EXOC2: variants seen among roughly 807,000 people sequenced by gnomAD.
EXOC2 encodes exocyst complex component 2.
A neutral mutation model predicts 131.8 loss-of-function variants in EXOC2; 70 were observed. That is an observed-to-expected ratio of 0.53 (90% CI 0.44 to 0.65). The LOEUF is 0.65. EXOC2 is among the 30% of genes least tolerant of loss of function. The pLI is 0.00. For synonymous variants in EXOC2, 411 were observed against 398.4 expected, an observed-to-expected ratio of 1.03 and a Z score of -0.38; for missense variants, 923 against 1,108.6, an observed-to-expected ratio of 0.83 and a Z score of 2.38.
Position 629,980 on chromosome 6 carries a change from T to C in EXOC2, c.296-19A>G. On this transcript the variant is annotated intron_variant, in intron 3 of 27. Transcript: ENST00000230449. ...AAAATGCCTACAGAAATGAGGAGCA[T>C]ATGCTTAATAAGATGAAGCCTACCC... The C allele has an allele frequency of 3.1e-6, 5 of 1,612,620 alleles. No homozygotes were observed. The highest frequency in any genetic ancestry group is 4.2e-6 in the Non-Finnish European group (5 of 1,179,356).
intron 20 of EXOC2, among the ~76,000 whole-genome samples, 184 bp from the exon 21 acceptor site, chr6:554,104 C>T (rs916916568): frequency 3.3e-5 from 5 of 151,496 alleles, no homozygotes; most frequent in African/African-American, 9.7e-5. Context: ...GCAAATGGTG[C>T]GTTCTTGGCT....
intron 6 of EXOC2, among the ~76,000 whole-genome samples, chr6:610,923 G>A (rs1274213604): frequency 6.6e-6 from 1 of 152,212 alleles, no homozygotes; most frequent in Non-Finnish European, 1.5e-5. Context: ...ATTTGGGGAA[G>A]AACCCAGCTA....
chr6:681,832 G>C (rs1764417100), intron 1 of EXOC2, among the ~76,000 whole-genome samples: 1 of 152,214 alleles, frequency 6.6e-6, no homozygotes, highest in Non-Finnish European at 1.5e-5. Context: ...CAGATACTTT[G>C]CTTCTCTGCC....
chr6:578,541 G>A (rs1758713137), intron 11 of EXOC2, among the ~76,000 whole-genome samples: 3 of 152,334 alleles, frequency 2.0e-5, no homozygotes, highest in South Asian at 2.1e-4. Flanking sequence ...CCCTGGACGT[G>A]ACACACTATC....
At chr6:581,016 G>A (rs1204133805) in intron 11 of EXOC2, among the ~76,000 whole-genome samples, 2 of 152,062 alleles carry the variant, frequency 1.3e-5, no homozygotes, top group Admixed American at 6.5e-5. Context: ...CAGTGTGGCC[G>A]GGCGCGGTGG....
chr6:530,258 A>C (rs2473478), intron 23 of EXOC2, among the ~76,000 whole-genome samples: 1 of 152,204 alleles, frequency 6.6e-6, no homozygotes, highest in African/African-American at 2.4e-5. Context: ...GCAAACACTT[A>C]GAAGAGAAGG....
At position 499,585 on chromosome 6, in the gene EXOC2, C is replaced by G. The variant is rs532203332; in HGVS notation, c.2436+60G>C. 56 of 1,417,854 alleles carry G rather than the reference C, an allele frequency of 3.9e-5. No individual in the cohort carries two copies. In the African/African-American group the frequency reaches 6.9e-4, roughly 18 times the overall value. The allele number at this position is 1,417,854 out of a possible 1,614,324, so 87.8% of individuals were successfully genotyped here. On this transcript the variant is annotated intron_variant, in intron 24 of 27. Coordinates refer to ENST00000230449, the MANE Select transcript of EXOC2 (RefSeq NM_018303.6). Reference sequence around the variant, plus strand: ...ACCATAGAAATAATCAAATTTACATCTTTCTTTTTTCTTTTTTTTGGTTAT... The same window carrying G: ...ACCATAGAAATAATCAAATTTACATGTTTCTTTTTTCTTTTTTTTGGTTAT...
At chr6:513,591 C>T (rs191018511) in intron 23 of EXOC2, among the ~76,000 whole-genome samples, 3 of 152,310 alleles carry the variant, frequency 2.0e-5, no homozygotes, top group South Asian at 4.1e-4. Flanking sequence ...AAGTCACATG[C>T]ATTCTATGTA....
intron 22 of EXOC2, among the ~76,000 whole-genome samples, chr6:532,837 C>T (rs932615265): frequency 4.6e-5 from 7 of 152,098 alleles, no homozygotes; most frequent in South Asian, 2.1e-4. Flanking sequence ...TGTATTAGTC[C>T]GTTCTCATAC....
chr6:623,361 T>C (rs1261788214), intron 4 of EXOC2, among the ~76,000 whole-genome samples: 1 of 152,160 alleles, frequency 6.6e-6, no homozygotes, highest in African/African-American at 2.4e-5. Flanking sequence ...TTGGTCAAAA[T>C]ACCACCTCCC....
At chr6:658,021 G>A (rs11754742) in intron 1 of EXOC2, among the ~76,000 whole-genome samples, 4 of 151,906 alleles carry the variant, frequency 2.6e-5, no homozygotes, top group Non-Finnish European at 5.9e-5. Context: ...CTACTTCTAG[G>A]GTCATGCTTT....
intron 1 of EXOC2, chr6:656,783 C>A: frequency 6.2e-7 from 1 of 1,600,806 alleles, no homozygotes; most frequent in Non-Finnish European, 8.5e-7. Flanking sequence ...CCTCGCACCA[C>A]AGCCTGGCCT....
chr6:492,526 G>A (rs1403224732), intron 25 of EXOC2, among the ~76,000 whole-genome samples: 1 of 152,140 alleles, frequency 6.6e-6, no homozygotes, highest in Non-Finnish European at 1.5e-5. Flanking sequence ...CTGATGAATG[G>A]ATAAATAAAA....
chr6:687,923 C>T (rs1764739052), intron 1 of EXOC2, among the ~76,000 whole-genome samples: 1 of 152,212 alleles, frequency 6.6e-6, no homozygotes, highest in African/African-American at 2.4e-5. Context: ...TCTTGTCTGT[C>T]TCTAAGCATG....
intron 23 of EXOC2, among the ~76,000 whole-genome samples, chr6:504,729 GT>G (rs1430062782): frequency 6.6e-6 from 1 of 152,168 alleles, no homozygotes; most frequent in Non-Finnish European, 1.5e-5. Flanking sequence ...TAACGAAGCT[GT>G]TATGAAAATG....
chr6:635,848 G>A (rs895256062), intron 2 of EXOC2, among the ~76,000 whole-genome samples: 2 of 152,238 alleles, frequency 1.3e-5, no homozygotes, highest in African/African-American at 4.8e-5. Context: ...GGATCACGAG[G>A]TCAAGAGATT....
At chr6:686,249 G>A (rs1444246280) in intron 1 of EXOC2, among the ~76,000 whole-genome samples, 14 of 150,892 alleles carry the variant, frequency 9.3e-5, no homozygotes, top group Admixed American at 4.6e-4. Context: ...GGTGTGAGCC[G>A]CCGCGCCCGG....
At chr6:523,787 G>A (rs1765606398) in intron 23 of EXOC2, among the ~76,000 whole-genome samples, 1 of 152,220 alleles carries the variant, frequency 6.6e-6, no homozygotes. Flanking sequence ...GGCCTCAAAT[G>A]ACCTTATTGG....
Position 485,237 on chromosome 6 carries a change from T to A in EXOC2, c.*1434A>T, listed in dbSNP as rs929913323. ...ACATTCATGATTGCAGTTTTTAAAC[T>A]TAGCTCACAGTTGAGTTAGATACAA... On this transcript the variant is annotated 3_prime_UTR_variant, in exon 28 of 28. Transcript: ENST00000230449. The A allele has an allele frequency of 1.3e-5, 2 of 152,238 alleles. No individual in the cohort carries two copies. Among genetic ancestry groups the A allele is most frequent in the East Asian group, 3.8e-4 (2 of 5,198 alleles). 9.4% of individuals were successfully genotyped at this position (152,238 alleles called of 1,614,324 possible).
Sources: allele counts gnomAD v4.1 joint callset (sites outside exome capture counted in the v4.1 genomes callset), GRCh38; gene constraint gnomAD v4.1.1; transcripts MANE v1.5; gene names NCBI Gene and HGNC (gene_info 2026-07-23, HGNC 2026-07-21).